PEX5L: variants seen among roughly 807,000 people sequenced by gnomAD.
PEX5L encodes peroxisomal biogenesis factor 5 like, also known as PEX5-related protein.
Under a neutral mutation model 84.0 loss-of-function variants are expected in PEX5L, and 30 were observed. The observed-to-expected ratio is 0.36, with a 90% CI of 0.27 to 0.48. The LOEUF (loss-of-function observed/expected upper bound fraction) is 0.48, where lower values mean the gene tolerates loss of function less well. PEX5L is among the 20% of genes least tolerant of loss of function. The pLI, the probability that PEX5L is intolerant of heterozygous loss-of-function variation, is 0.99. For missense variants in PEX5L, 533 were observed against 754.6 expected (o/e 0.71, Z 3.44); for synonymous variants, 270 against 283.1 (o/e 0.95, Z 0.46).
At chr3:179,981,150 G>A (rs1786289944) in intron 1 of PEX5L, among the ~76,000 whole-genome samples, 1 of 152,120 alleles carries the variant, frequency 6.6e-6, no homozygotes, top group Non-Finnish European at 1.5e-5. Context: ...TACTGCTAAT[G>A]AGGAGGATGG....
At chr3:179,976,462 G>A (rs1384129215) in intron 1 of PEX5L, among the ~76,000 whole-genome samples, 1 of 152,032 alleles carries the variant, frequency 6.6e-6, no homozygotes, top group Non-Finnish European at 1.5e-5. Context: ...TGGGGGGAAG[G>A]AGTCTCGCTC....
At chr3:179,977,982 C>T (rs958438185) in intron 1 of PEX5L, among the ~76,000 whole-genome samples, 6 of 152,160 alleles carry the variant, frequency 3.9e-5, no homozygotes, top group Non-Finnish European at 8.8e-5. Flanking sequence ...ATCAGACTCA[C>T]TTCTGAATGT....
rs999614309 is a variant in PEX5L at position 179,796,389 on chromosome 3, A to C, written c.*5439T>G. 16 of 152,198 alleles carry C rather than the reference A, an allele frequency of 1.1e-4. No individual in the cohort carries two copies. Among genetic ancestry groups the C allele is most frequent in the African/African-American group, 3.6e-4 (15 of 41,446 alleles). The allele number at this position is 152,198 out of a possible 1,614,324, so 9.4% of individuals were successfully genotyped here. A position where few individuals can be genotyped will look rare whatever the true frequency, so the allele number is the denominator to read the frequency against. The stretch of plus-strand genomic sequence containing the variant: ...AAGGTCCTGAGAAAACAGTTCTGAC[A>C]TTGGGACACTTGTCTCTAGACTGTG... On this transcript the variant is annotated 3_prime_UTR_variant, in exon 15 of 15. Transcript: ENST00000467460.
intron 8 of PEX5L, among the ~76,000 whole-genome samples, chr3:179,844,614 G>T (rs1738576433): frequency 6.6e-6 from 1 of 152,130 alleles, no homozygotes. Flanking sequence ...GGATCATGAG[G>T]TCAGAAGATC....
intron 1 of PEX5L, among the ~76,000 whole-genome samples, chr3:180,033,287 T>A (rs1192717082): frequency 6.6e-6 from 1 of 152,306 alleles, no homozygotes; most frequent in Non-Finnish European, 1.5e-5. Flanking sequence ...GTGGAATGAT[T>A]CCCCAGACAG....
intron 2 of PEX5L, among the ~76,000 whole-genome samples, chr3:179,920,117 C>G (rs780061515): frequency 9.2e-5 from 14 of 152,204 alleles, no homozygotes; most frequent in Non-Finnish European, 1.5e-4. Context: ...TTCCTTCAGG[C>G]TCCCTGCTCT....
chr3:179,880,119 C>A lies in PEX5L; in HGVS notation c.315G>T (p.Leu105Phe). The A allele has an allele frequency of 6.3e-7, 1 of 1,590,198 alleles. No homozygotes were observed. Among genetic ancestry groups the A allele is most frequent in the South Asian group, 1.1e-5 (1 of 87,526 alleles). ...ARPVTSNTAV[L>F]TTGLDLLDLS... ...GGTCGAGGAGATCTAAGCCAGTGGT[C>A]AATACTACCAGAAATGGAAGAGGTT... The change falls in exon 5 of 15, where the codon TTG becomes TTT. Residue 105 changes from leucine to phenylalanine, a missense_variant. Leu to Phe is a conservative substitution (Grantham distance 22, BLOSUM62 0). Coordinates refer to ENST00000467460, the MANE Select transcript of PEX5L (RefSeq NM_016559.3).
intron 2 of PEX5L, among the ~76,000 whole-genome samples, chr3:179,899,240 C>T (rs1221091037): frequency 6.6e-6 from 1 of 151,976 alleles, no homozygotes; most frequent in African/African-American, 2.4e-5. Context: ...AAATTTCATA[C>T]TATGTAAAAA....
chr3:179,863,694 AT>A (rs1372358353), intron 7 of PEX5L, among the ~76,000 whole-genome samples: 1 of 152,132 alleles, frequency 6.6e-6, no homozygotes, highest in East Asian at 1.9e-4. Context: ...GTTGGAGAGG[AT>A]GTGGAGAGAA....
chr3:179,988,030 C>G (rs576148108), intron 1 of PEX5L, among the ~76,000 whole-genome samples: 2 of 152,044 alleles, frequency 1.3e-5, no homozygotes, highest in Non-Finnish European at 2.9e-5. Context: ...GAAGACCAGA[C>G]GATCTTTCAC....
intron 1 of PEX5L, among the ~76,000 whole-genome samples, chr3:179,976,028 T>C (rs1785745620): frequency 1.3e-5 from 2 of 152,112 alleles, no homozygotes; most frequent in Admixed American, 6.5e-5. Flanking sequence ...CTAGGGTTAA[T>C]TGAAATTGCA....
At chr3:179,899,112 G>C (rs1760371228) in intron 2 of PEX5L, among the ~76,000 whole-genome samples, 1 of 151,890 alleles carries the variant, frequency 6.6e-6, no homozygotes, top group Non-Finnish European at 1.5e-5. Flanking sequence ...ATTATAAACT[G>C]TAAAGGGATA....
At chr3:179,976,040 G>A (rs75913796) in intron 1 of PEX5L, among the ~76,000 whole-genome samples, 1 of 152,154 alleles carries the variant, frequency 6.6e-6, no homozygotes, top group East Asian at 1.9e-4. Flanking sequence ...GAAATTGCAG[G>A]AGTGGATAAG....
chr3:179,864,743 C>A (rs541222738), intron 7 of PEX5L, among the ~76,000 whole-genome samples: 1 of 151,942 alleles, frequency 6.6e-6, no homozygotes, highest in Non-Finnish European at 1.5e-5. Context: ...CTCAACTGAG[C>A]CATTTTACAA....
chr3:179,902,072 G>A (rs3196715), intron 2 of PEX5L: 61,050 of 152,094 alleles, frequency 0.4, 12,757 homozygotes, highest in Non-Finnish European at 0.47. Context: ...AGGCGACCAC[G>A]CGCTGGGCAC....
intron 3 of PEX5L, 63 bp from the exon 4 acceptor site, chr3:179,887,847 A>C: frequency 9.3e-7 from 1 of 1,074,762 alleles, no homozygotes; most frequent in South Asian, 1.3e-5. Context: ...GATGAATTAA[A>C]ATGCAGCCTT....
chr3:179,809,073 CAAAAA>C (rs10684376), intron 12 of PEX5L, among the ~76,000 whole-genome samples: 645 of 47,742 alleles, frequency 0.014, 7 homozygotes, highest in African/African-American at 0.05. Context: ...GATTCCGCCT[CAAAAA>C]AAAAAAAAAA....
chr3:179,803,873 T>C (rs3774231), intron 14 of PEX5L, among the ~76,000 whole-genome samples: 24,160 of 152,128 alleles, frequency 0.16, 2,020 homozygotes, highest in South Asian at 0.21. Context: ...ATGGAGTAGG[T>C]GTTCTAATCA....
At chr3:179,930,886 T>C (rs34061679) in intron 2 of PEX5L, among the ~76,000 whole-genome samples, 15,303 of 147,172 alleles carry the variant, frequency 0.1, 1,071 homozygotes, top group Non-Finnish European at 0.17. Context: ...TTAAGCACAG[T>C]TTTTTTCAGA....
Sources: gnomAD v4.1 joint callset for allele counts (sites outside exome capture counted in the v4.1 genomes callset) on GRCh38, gnomAD v4.1.1 for gene constraint, MANE v1.5 for transcripts, NCBI Gene and HGNC (gene_info 2026-07-23, HGNC 2026-07-21) for gene names.